The following CNTN3 variants were observed in gnomAD, a reference collection of about 807,000 sequenced individuals.
CNTN3 encodes the protein contactin-3.
In CNTN3, 60 loss-of-function variants were observed where a neutral mutation model predicts 119.1. The observed-to-expected ratio is 0.50, with a 90% CI of 0.41 to 0.62. The LOEUF is 0.62. Ranked by LOEUF, CNTN3 falls within the 20% of genes least tolerant of loss-of-function variation. CNTN3 has a pLI of 0.00. For missense variants in CNTN3, 1,101 were observed against 1,242.4 expected (o/e 0.89, Z 1.71); for synonymous variants, 450 against 438.7 (o/e 1.03, Z -0.32).
At chr3:74,535,021 T>G (rs2107140068) in intron 1 of CNTN3, among the ~76,000 whole-genome samples, 1 of 152,132 alleles carries the variant, frequency 6.6e-6, no homozygotes, top group Non-Finnish European at 1.5e-5. Flanking sequence ...AAAAATTAAA[T>G]ATAATTGACA....
chr3:74,552,877 T>C (rs1056527470), intron 1 of CNTN3, among the ~76,000 whole-genome samples: 19 of 152,310 alleles, frequency 1.2e-4, no homozygotes, highest in African/African-American at 4.1e-4. Flanking sequence ...TCTGCCACGA[T>C]TGGAAGTTTC....
intron 4 of CNTN3, 143 bp downstream of exon 4, chr3:74,486,313 A>C: frequency 1.3e-6 from 1 of 742,876 alleles, no homozygotes; most frequent in Admixed American, 3.2e-5. Flanking sequence ...TAAAATGTCC[A>C]AAAATCATAC....
intron 5 of CNTN3, among the ~76,000 whole-genome samples, chr3:74,422,525 T>C (rs1701632323): frequency 6.6e-6 from 1 of 152,192 alleles, no homozygotes; most frequent in Non-Finnish European, 1.5e-5. Flanking sequence ...TTTTATAACA[T>C]TTGAATAGAT....
chr3:74,402,872 G>A (rs540650873), intron 5 of CNTN3, among the ~76,000 whole-genome samples: 1 of 152,152 alleles, frequency 6.6e-6, no homozygotes, highest in African/African-American at 2.4e-5. Flanking sequence ...GCAAAGATTC[G>A]AGAGTGTACT....
intron 4 of CNTN3, among the ~76,000 whole-genome samples, chr3:74,456,902 A>G (rs1253285929): frequency 1.3e-5 from 2 of 152,010 alleles, no homozygotes; most frequent in African/African-American, 4.8e-5. Context: ...AATAAAATCT[A>G]TTTACCAATA....
chr3:74,357,681 T>G (rs374690301), intron 11 of CNTN3, among the ~76,000 whole-genome samples: 3 of 152,168 alleles, frequency 2.0e-5, no homozygotes, highest in African/African-American at 7.2e-5. Context: ...TTAATCAAAA[T>G]GTATTTGCTG....
chr3:74,276,949 A>C (rs1360551840), intron 20 of CNTN3, among the ~76,000 whole-genome samples: 5 of 152,170 alleles, frequency 3.3e-5, no homozygotes, highest in African/African-American at 1.2e-4. Flanking sequence ...GATACGGGAG[A>C]TATTACAACT....
intron 20 of CNTN3, among the ~76,000 whole-genome samples, chr3:74,282,220 T>A (rs1347979629): frequency 6.6e-6 from 1 of 152,114 alleles, no homozygotes; most frequent in Non-Finnish European, 1.5e-5. Context: ...AATTAAGTGT[T>A]TAATGGAAGC....
At chr3:74,317,746 C>T (rs1702872455) in intron 13 of CNTN3, among the ~76,000 whole-genome samples, 1 of 152,122 alleles carries the variant, frequency 6.6e-6, no homozygotes, top group Non-Finnish European at 1.5e-5. Flanking sequence ...GGTAACCCGA[C>T]CTTTCTCTCT....
At position 74,301,549 on chromosome 3, in the gene CNTN3, T is replaced by A; in HGVS notation, c.1946-2A>T. 1 of 1,613,658 alleles carries A rather than the reference T, an allele frequency of 6.2e-7. No individual in the cohort carries two copies. Among genetic ancestry groups the A allele is most frequent in the Non-Finnish European group, 8.5e-7 (1 of 1,179,792 alleles). ...TCTTCCCATCGATGACCTCAGGCAC[T>A]ACAAAGGAATATTTCAGAGGTAAGA... On this transcript the variant is annotated splice_acceptor_variant, in intron 15 of 22. Transcript: ENST00000263665. LOFTEE classifies it high-confidence loss of function.
At chr3:74,581,870 T>A (rs937848712) in intron 1 of CNTN3, among the ~76,000 whole-genome samples, 7 of 152,182 alleles carry the variant, frequency 4.6e-5, no homozygotes, top group Non-Finnish European at 8.8e-5. Context: ...TGTTAATAAA[T>A]GTTGCTAGAA....
chr3:74,264,355 T>C lies in CNTN3; in HGVS notation c.*46A>G, dbSNP rs544764471. On this transcript the variant is annotated 3_prime_UTR_variant, in exon 23 of 23. Transcript: ENST00000263665. ...ACTGCATTTCATGAAAGCACTTTTT[T>C]TGGTAACCAAATAACTTTCCAATAA... 2.4e-5 allele frequency: 27 copies of C among 1,141,452 alleles called. No individual in the cohort carries two copies. The highest frequency in any genetic ancestry group is 8.1e-5 in the African/African-American group (5 of 62,070). The allele number at this position is 1,141,452 out of a possible 1,614,324, so 70.7% of individuals were successfully genotyped here. A position where few individuals can be genotyped will look rare whatever the true frequency, so the allele number is the denominator to read the frequency against.
At chr3:74,491,922 A>C (rs1702972121) in intron 3 of CNTN3, among the ~76,000 whole-genome samples, 1 of 152,178 alleles carries the variant, frequency 6.6e-6, no homozygotes, top group Non-Finnish European at 1.5e-5. Context: ...CAAAAGGCTT[A>C]ATGCAGTGAT....
intron 2 of CNTN3, among the ~76,000 whole-genome samples, chr3:74,501,829 G>C (rs999834646): frequency 1.7e-4 from 25 of 150,360 alleles, no homozygotes; most frequent in African/African-American, 4.9e-4. Flanking sequence ...TTAGGAAAGA[G>C]CAACTTCCAG....
chr3:74,324,121 T>A (rs1168231158), intron 13 of CNTN3, among the ~76,000 whole-genome samples: 1 of 152,128 alleles, frequency 6.6e-6, no homozygotes, highest in African/African-American at 2.4e-5. Context: ...GTATCTTATA[T>A]TTTTCAATAT....
At chr3:74,381,419 A>C (rs1238512866) in intron 5 of CNTN3, among the ~76,000 whole-genome samples, 1 of 152,188 alleles carries the variant, frequency 6.6e-6, no homozygotes, top group East Asian at 1.9e-4. Flanking sequence ...ATCAATAATC[A>C]AAAGTAATCC....
At chr3:74,454,744 AG>A (rs1315762840) in intron 4 of CNTN3, among the ~76,000 whole-genome samples, 1 of 151,884 alleles carries the variant, frequency 6.6e-6, no homozygotes, top group Non-Finnish European at 1.5e-5. Context: ...TTGTCTGTAA[AG>A]GATTTTATTT....
intron 13 of CNTN3, among the ~76,000 whole-genome samples, chr3:74,331,852 A>C (rs1703271487): frequency 1.3e-5 from 2 of 152,324 alleles, no homozygotes; most frequent in South Asian, 4.1e-4. Flanking sequence ...GACTGGTGTC[A>C]TCATGCTCCT....
chr3:74,451,255 T>C (rs1208923373), intron 4 of CNTN3, among the ~76,000 whole-genome samples: 2 of 152,202 alleles, frequency 1.3e-5, no homozygotes, highest in Non-Finnish European at 2.9e-5. Context: ...TGCATTTCTC[T>C]GATGGCCAGT....
Sources: allele counts gnomAD v4.1 joint callset (sites outside exome capture counted in the v4.1 genomes callset), GRCh38; gene constraint gnomAD v4.1.1; transcripts MANE v1.5; gene names NCBI Gene and HGNC (gene_info 2026-07-23, HGNC 2026-07-21).